The following FDPS variants were observed in gnomAD, a reference collection of about 807,000 sequenced individuals.
FDPS encodes farnesyl pyrophosphate synthase.
In FDPS, 29 loss-of-function variants were observed where a neutral mutation model predicts 49.5. That is an observed-to-expected ratio of 0.59 (90% confidence interval 0.44 to 0.80). FDPS has a LOEUF of 0.80. Among genes scored for constraint, FDPS ranks in the 30% least tolerant of loss-of-function variants. The probability of loss-of-function intolerance (pLI) is 0.00; values close to 1 mark genes in which losing one functional copy is unlikely to be tolerated. For synonymous variants in FDPS, 172 were observed against 206.4 expected (o/e 0.83, Z 1.43); for missense variants, 414 against 525.6 (o/e 0.79, Z 2.08).
chr1:155,312,646 G>C (rs1431720200), intron 4 of FDPS: 2 of 430,612 alleles, frequency 4.6e-6, no homozygotes, highest in Non-Finnish European at 4.3e-6. Flanking sequence ...ACTGGGCAGA[G>C]AGGTGTCAGC....
At chr1:155,319,089 C>T (rs981837654) in intron 8 of FDPS, among the ~76,000 whole-genome samples, 161 bp downstream of exon 8, 4 of 152,144 alleles carry the variant, frequency 2.6e-5, no homozygotes, top group African/African-American at 9.7e-5. Context: ...GGATAAAATT[C>T]CTACTTCACA....
intron 10 of FDPS, 80 bp downstream of exon 10, chr1:155,320,008 C>A: frequency 6.6e-7 from 1 of 1,511,808 alleles, no homozygotes; most frequent in South Asian, 1.2e-5. Context: ...CAGTTTTCCT[C>A]CCGAGGGGAC....
intron 4 of FDPS, among the ~76,000 whole-genome samples, chr1:155,316,616 G>A (rs2148242591): frequency 1.3e-5 from 2 of 152,102 alleles, no homozygotes; most frequent in East Asian, 3.9e-4. Flanking sequence ...AGTCTCTACT[G>A]AATGAAAATA....
chr1:155,318,984 A>G lies in FDPS; in HGVS notation c.846+56A>G. 1 of 1,332,572 alleles carries G rather than the reference A, an allele frequency of 7.5e-7. No homozygotes were observed. The highest frequency in any genetic ancestry group is 1.1e-6 in the Non-Finnish European group (1 of 925,498). 82.5% of individuals were successfully genotyped at this position (1,332,572 alleles called of 1,614,324 possible). On this transcript the variant is annotated intron_variant, in intron 8 of 10. Transcript: ENST00000368356. The surrounding 1 kb of genome is among the most constrained non-coding windows in gnomAD (Gnocchi z 4.2). ...TGCTGATGGGGGCTTTTGGACAGCA[A>G]GGCATAGAGCAGAAAACGTGAACAC...
At chr1:155,312,818 CA>C (rs1487740220) in intron 4 of FDPS, 2 of 160,826 alleles carry the variant, frequency 1.2e-5, no homozygotes, top group Non-Finnish European at 2.7e-5. Context: ...CATCTCTACT[CA>C]AAATACAAAG....
At position 155,318,423 on chromosome 1, in the gene FDPS, G is replaced by A. The variant is rs999383227; in HGVS notation, c.684+132G>A. The A allele has an allele frequency of 8.3e-7, 1 of 1,206,598 alleles. No homozygotes were observed. Among genetic ancestry groups the A allele is most frequent in the African/African-American group, 1.5e-5 (1 of 66,668 alleles). 74.7% of individuals were successfully genotyped at this position (1,206,598 alleles called of 1,614,324 possible). A position where few individuals can be genotyped will look rare whatever the true frequency, so the allele number is the denominator to read the frequency against. On this transcript the variant is annotated intron_variant, in intron 6 of 10. Coordinates refer to ENST00000368356, the MANE Select transcript of FDPS (RefSeq NM_002004.4). The surrounding 1 kb of genome is among the most constrained non-coding windows in gnomAD (Gnocchi z 4.2). ...TGGAAGGGAAAGAAAGCGAGGAAGG[G>A]TGTTGGGAAGTGGGGTTGTGGTAGT...
chr1:155,310,313 C>CTTTT (rs35556344), intron 3 of FDPS, 108 bp downstream of exon 3: 11 of 699,202 alleles, frequency 1.6e-5, no homozygotes, highest in South Asian at 4.0e-5. Context: ...TGAGAGAAAG[C>CTTTT]TTTTTTTTTT....
rs763187314 is a variant in FDPS, at chr1:155,308,866, G to A, written c.-101G>A. ...TTTCCGCCCTTAGTGTGGGGAGAGC[G>A]GGAACTACTCGACCCACAGAGCCGA... On this transcript the variant is annotated 5_prime_UTR_variant, in exon 1 of 11. Transcript: ENST00000368356. The A allele has an allele frequency of 7.4e-5, 27 of 364,280 alleles. No individual in the cohort carries two copies. The highest frequency in any genetic ancestry group is 9.9e-5 in the Non-Finnish European group (26 of 262,022). The allele number at this position is 364,280 out of a possible 1,614,324, so 22.6% of individuals were successfully genotyped here. A position where few individuals can be genotyped will look rare whatever the true frequency, so the allele number is the denominator to read the frequency against.
intron 4 of FDPS, among the ~76,000 whole-genome samples, chr1:155,316,487 C>T (rs1391040185): frequency 6.6e-6 from 1 of 151,646 alleles, no homozygotes; most frequent in African/African-American, 2.4e-5. Context: ...TCTTGAAAAG[C>T]TATTTAATGG....
Position 155,318,724 on chromosome 1 carries a change from T to G in FDPS, c.744T>G (p.Asn248Lys). 6.2e-7 allele frequency: 1 copy of G among 1,613,706 alleles called. No homozygotes were observed. The highest frequency in any genetic ancestry group is 8.5e-7 in the Non-Finnish European group (1 of 1,179,744). ...TLDLLTAPQG[N>K]VDLVRFTEKR... ...ACCTCCTCACAGCCCCCCAGGGCAA[T>G]GTGGATCTTGTCAGATTCACTGAAA... The change falls in exon 7 of 11, where the codon AAT (asparagine) becomes AAG (lysine). Residue 248 changes from asparagine (N) to lysine (K), a missense_variant. By Grantham distance (94) the Asn-to-Lys change is moderately conservative (BLOSUM62 0). Coordinates refer to ENST00000368356, the MANE Select transcript of FDPS (RefSeq NM_002004.4). The surrounding 1 kb of genome is among the most constrained non-coding windows in gnomAD (Gnocchi z 4.2).
intron 4 of FDPS, chr1:155,312,648 G>C (rs1648922829): frequency 2.4e-6 from 1 of 422,710 alleles, no homozygotes; most frequent in Admixed American, 3.6e-5. Context: ...TGGGCAGAGA[G>C]GTGTCAGCTC....
intron 4 of FDPS, among the ~76,000 whole-genome samples, chr1:155,315,763 A>C (rs1649299093): frequency 6.6e-6 from 1 of 151,984 alleles, no homozygotes; most frequent in Non-Finnish European, 1.5e-5. Flanking sequence ...GCTACTCAGG[A>C]GGCTGAGGCA....
chr1:155,315,405 C>T (rs554390153), intron 4 of FDPS, among the ~76,000 whole-genome samples: 7 of 151,058 alleles, frequency 4.6e-5, no homozygotes, highest in Non-Finnish European at 7.4e-5. Context: ...TTAGGCTGGG[C>T]GCAGTGGCTC....
At chr1:155,309,756 G>C in intron 1 of FDPS, 33 bp from the exon 2 acceptor site, 1 of 1,491,440 alleles carries the variant, frequency 6.7e-7, no homozygotes, top group South Asian at 1.4e-5. Context: ...CCTGCAGGGA[G>C]TGCTTAGTGC....
intron 4 of FDPS, 125 bp from the exon 5 acceptor site, chr1:155,317,815 TA>T: frequency 1.4e-6 from 1 of 691,902 alleles, no homozygotes; most frequent in Non-Finnish European, 2.5e-6. Context: ...CTGCACTGGA[TA>T]ATAGTGAGAC....
Position 155,319,623 on chromosome 1 carries a change from G to C in FDPS, c.859G>C (p.Gly287Arg). ...CCTTTCCCTGCAGGCAGGAATTGATGGCGAGAAGGAGCACGCCAATGCCAA... is the reference window on the plus strand; with the variant it reads ...CCTTTCCCTGCAGGCAGGAATTGATCGCGAGAAGGAGCACGCCAATGCCAA... The part of the protein sequence containing the change: ...AAAMYMAGID[G>R]EKEHANAKKI... The change falls in exon 9 of 11, where the codon GGC becomes CGC. Residue 287 changes from glycine (G) to arginine (R), a missense_variant. Transcript: ENST00000368356. The C allele has an allele frequency of 6.2e-7, 1 of 1,614,192 alleles. No individual in the cohort carries two copies. The highest frequency in any genetic ancestry group is 8.5e-7 in the Non-Finnish European group (1 of 1,180,044).
Position 155,310,042 on chromosome 1 carries a change from G to C in FDPS, c.177-1G>C. 1.9e-6 allele frequency: 3 copies of C among 1,613,302 alleles called. No individual in the cohort carries two copies. The highest frequency in any genetic ancestry group is 2.5e-6 in the Non-Finnish European group (3 of 1,180,026). On this transcript the variant is annotated splice_acceptor_variant, in intron 2 of 10. Coordinates refer to ENST00000368356, the MANE Select transcript of FDPS (RefSeq NM_002004.4). LOFTEE classifies it high-confidence loss of function. ...TTCTGACTTGTTTTTCTTCTACTTA[G>C]AGCCCTTTGCTCCTCCCTCAGAATG...
intron 4 of FDPS, 93 bp from the exon 5 acceptor site, chr1:155,317,848 G>A: frequency 1.7e-6 from 2 of 1,150,214 alleles, no homozygotes; most frequent in South Asian, 1.4e-5. Context: ...CCAAAAAAAA[G>A]CAAAACTATA....
chr1:155,310,235 GC>G (rs1252271018), intron 3 of FDPS, 30 bp downstream of exon 3: 2 of 1,611,594 alleles, frequency 1.2e-6, no homozygotes, highest in African/African-American at 2.7e-5. Context: ...GGGGAGTAAG[GC>G]TTTGGTTCAG....
Sources: gnomAD v4.1 joint callset for allele counts (sites outside exome capture counted in the v4.1 genomes callset) on GRCh38, gnomAD v4.1.1 for gene constraint, Gnocchi (gnomAD v3.1) non-coding constraint, MANE v1.5 for transcripts, NCBI Gene and HGNC (gene_info 2026-07-23, HGNC 2026-07-21) for gene names.